TBC1D15: variants seen among roughly 807,000 people sequenced by gnomAD.
TBC1D15 encodes the protein TBC1 domain family member 15.
A neutral mutation model predicts 95.4 loss-of-function variants in TBC1D15; 39 were observed. That is an observed-to-expected ratio of 0.41 (90% CI 0.32 to 0.53). The LOEUF (loss-of-function observed/expected upper bound fraction) is 0.53. TBC1D15 is among the 20% of genes least tolerant of loss of function. The pLI, the probability that TBC1D15 is intolerant of heterozygous loss-of-function variation, is 0.29. For synonymous variants in TBC1D15, 258 were observed against 261.3 expected, an observed-to-expected ratio of 0.99 and a Z score of 0.12; for missense variants, 733 against 794.3, an observed-to-expected ratio of 0.92 and a Z score of 0.93.
intron 14 of TBC1D15, 129 bp downstream of exon 14, chr12:71,918,677 G>C: frequency 1.7e-6 from 1 of 572,158 alleles, no homozygotes; most frequent in East Asian, 3.2e-5. Flanking sequence ...AAATTCTGAT[G>C]AACTGGTAGC....
chr12:71,903,956 C>T (rs890049030), intron 10 of TBC1D15, among the ~76,000 whole-genome samples: 7 of 152,146 alleles, frequency 4.6e-5, no homozygotes, highest in Non-Finnish European at 2.9e-5. Flanking sequence ...CCCCATGACA[C>T]ACCATTTACC....
At position 71,913,946 on chromosome 12, in the gene TBC1D15, C is replaced by G; in HGVS notation, c.1401+20C>G. 6.6e-7 allele frequency: 1 copy of G among 1,523,362 alleles called. No individual in the cohort carries two copies. The highest frequency in any genetic ancestry group is 8.9e-7 in the Non-Finnish European group (1 of 1,123,218). 94.4% of individuals were successfully genotyped at this position (1,523,362 alleles called of 1,614,324 possible). ...CAAATGGTAAGAACAGAGATTCCTTCCATTAAACTGATTTTTAAAATTTTA... is the reference window on the plus strand; with the variant it reads ...CAAATGGTAAGAACAGAGATTCCTTGCATTAAACTGATTTTTAAAATTTTA... On this transcript the variant is annotated intron_variant, in intron 12 of 16. Coordinates refer to ENST00000485960, the MANE Select transcript of TBC1D15 (RefSeq NM_001146213.3).
At chr12:71,922,878 A>G (rs897150869) in intron 16 of TBC1D15, 105 bp from the exon 17 acceptor site, 46 of 1,071,332 alleles carry the variant, frequency 4.3e-5, no homozygotes, top group East Asian at 2.6e-5. Context: ...GTTAGGACAA[A>G]TGCTCAGATT....
chr12:71,880,637 C>A, intron 4 of TBC1D15, 30 bp downstream of exon 4: 1 of 1,584,696 alleles, frequency 6.3e-7, no homozygotes, highest in South Asian at 1.2e-5. Context: ...AAATCTTAAA[C>A]TGATTTGCTA....
At chr12:71,879,177 G>A (rs1290521028) in intron 3 of TBC1D15, among the ~76,000 whole-genome samples, 2 of 150,566 alleles carry the variant, frequency 1.3e-5, no homozygotes, top group African/African-American at 4.9e-5. Flanking sequence ...TTGTCACCTA[G>A]GCTGGAGTGC....
At chr12:71,917,343 A>G (rs543287405) in intron 12 of TBC1D15, among the ~76,000 whole-genome samples, 4 of 152,258 alleles carry the variant, frequency 2.6e-5, no homozygotes, top group Non-Finnish European at 5.9e-5. Context: ...GGAATATTTA[A>G]CAATGGAAAG....
rs942367873 is a variant in TBC1D15, at chr12:71,923,906, T to A, written c.*702T>A. 3.9e-5 allele frequency: 6 copies of A among 152,576 alleles called. No homozygotes were observed. Among genetic ancestry groups the A allele is most frequent in the Admixed American group, 1.3e-4 (2 of 15,288 alleles). 9.5% of individuals were successfully genotyped at this position (152,576 alleles called of 1,614,324 possible). ...AATAAACGACTTGATTTATATAACC[T>A]GGTTTATCAAAATTTAACATGGCTT... is the stretch of plus-strand genomic sequence containing the variant. On this transcript the variant is annotated 3_prime_UTR_variant, in exon 17 of 17. Coordinates refer to ENST00000485960, the MANE Select transcript of TBC1D15 (RefSeq NM_001146213.3).
intron 11 of TBC1D15, among the ~76,000 whole-genome samples, chr12:71,911,486 A>T (rs1298217424): frequency 6.6e-6 from 1 of 151,808 alleles, no homozygotes; most frequent in Non-Finnish European, 1.5e-5. Context: ...ACATGGATGA[A>T]ACTGGAAATC....
intron 1 of TBC1D15, among the ~76,000 whole-genome samples, chr12:71,843,312 T>C (rs986696476): frequency 6.6e-6 from 1 of 150,990 alleles, no homozygotes; most frequent in African/African-American, 2.4e-5. Context: ...AAATCAGCTG[T>C]TTTTTTTTCT....
chr12:71,865,178 T>A (rs1891223125), intron 1 of TBC1D15, among the ~76,000 whole-genome samples: 1 of 152,180 alleles, frequency 6.6e-6, no homozygotes, highest in Non-Finnish European at 1.5e-5. Flanking sequence ...ACCTATTTTG[T>A]CATCTGGGTC....
At chr12:71,851,979 T>C (rs914824454) in intron 1 of TBC1D15, among the ~76,000 whole-genome samples, 5 of 152,174 alleles carry the variant, frequency 3.3e-5, no homozygotes, top group African/African-American at 1.2e-4. Flanking sequence ...ACTACATTTC[T>C]CCTCCTCACT....
intron 5 of TBC1D15, among the ~76,000 whole-genome samples, chr12:71,887,687 G>GT (rs1374640501): frequency 1.3e-5 from 2 of 152,110 alleles, no homozygotes; most frequent in African/African-American, 4.8e-5. Flanking sequence ...ATCTAATGTA[G>GT]TTTTCCTATC....
intron 7 of TBC1D15, among the ~76,000 whole-genome samples, chr12:71,895,481 G>A (rs1897988813): frequency 6.6e-6 from 1 of 151,996 alleles, no homozygotes; most frequent in South Asian, 2.1e-4. Context: ...TATAGAAAAT[G>A]CCGAGTGAAG....
intron 13 of TBC1D15, among the ~76,000 whole-genome samples, chr12:71,918,092 C>G (rs944758988): frequency 1.3e-5 from 2 of 152,068 alleles, no homozygotes; most frequent in Non-Finnish European, 2.9e-5. Context: ...GAGGTTGAGG[C>G]TACAGTGAAC....
intron 10 of TBC1D15, among the ~76,000 whole-genome samples, chr12:71,899,160 C>T (rs989550543): frequency 6.6e-6 from 1 of 152,136 alleles, no homozygotes. Context: ...ATCCTCTTCC[C>T]TTTATATCAA....
At chr12:71,897,654 T>C (rs966736550) in intron 9 of TBC1D15, among the ~76,000 whole-genome samples, 193 bp from the exon 10 acceptor site, 1 of 152,030 alleles carries the variant, frequency 6.6e-6, no homozygotes, top group Non-Finnish European at 1.5e-5. Flanking sequence ...CTTTGTGATA[T>C]TTATCGGTTA....
intron 1 of TBC1D15, among the ~76,000 whole-genome samples, chr12:71,842,531 A>T (rs1217377324): frequency 6.6e-6 from 1 of 152,162 alleles, no homozygotes; most frequent in Non-Finnish European, 1.5e-5. Flanking sequence ...AGAAGCAAGA[A>T]GGTATGAGAA....
At chr12:71,909,542 A>G (rs1254038093) in intron 11 of TBC1D15, among the ~76,000 whole-genome samples, 1 of 152,176 alleles carries the variant, frequency 6.6e-6, no homozygotes, top group Non-Finnish European at 1.5e-5. Context: ...ATAATCAATG[A>G]AAGGTTAAAT....
Position 71,917,952 on chromosome 12 carries a change from G to A in TBC1D15, c.1501+155G>A, listed in dbSNP as rs117990320. Among the ~76,000 whole-genome samples the A allele has an allele frequency of 2.9e-3, 443 of 152,252 alleles. 8 individuals carry two copies. In the East Asian group the frequency reaches 0.052, roughly 18 times the overall value. On this transcript the variant is annotated intron_variant, in intron 13 of 16. Transcript: ENST00000485960. ...GAGGGAGGATTACTTGCACCCAGGA[G>A]TTTGAGACTAGCCTGGCTAGCACAG...
Sources: gnomAD v4.1 joint callset for allele counts (sites outside exome capture counted in the v4.1 genomes callset) on GRCh38, gnomAD v4.1.1 for gene constraint, MANE v1.5 for transcripts, NCBI Gene and HGNC (gene_info 2026-07-23, HGNC 2026-07-21) for gene names.